The following AGBL1 variants were observed in gnomAD, a reference collection of about 807,000 sequenced individuals.
The protein encoded by AGBL1 is cytosolic carboxypeptidase 4.
In AGBL1, 130 loss-of-function variants were observed where a neutral mutation model predicts 118.9. That is an observed-to-expected ratio of 1.09 (90% CI 0.95 to 1.26). The LOEUF (loss-of-function observed/expected upper bound fraction) is 1.26, where lower values mean the gene tolerates loss of function less well. Ranked by LOEUF, AGBL1 falls within the 50% of genes most tolerant of loss-of-function variation. The pLI is 0.00. For missense variants in AGBL1, 1,584 were observed against 1,298.1 expected, an observed-to-expected ratio of 1.22 and a Z score of -3.38; for synonymous variants, 555 against 478.9, an observed-to-expected ratio of 1.16 and a Z score of -2.08.
intron 21 of AGBL1, among the ~76,000 whole-genome samples, chr15:86,644,686 C>A (rs896737260): frequency 1.4e-5 from 2 of 146,692 alleles, no homozygotes; most frequent in African/African-American, 2.5e-5. Context: ...AGCAAACAAA[C>A]AAAAAGCTGA....
intron 22 of AGBL1, among the ~76,000 whole-genome samples, chr15:86,728,578 A>G (rs529205690): frequency 1.3e-4 from 20 of 152,134 alleles, no homozygotes; most frequent in Non-Finnish European, 2.1e-4. Context: ...GGGCTAAATA[A>G]AAAAACCTTG....
At chr15:86,949,572 CA>C (rs1217450556) in intron 23 of AGBL1, among the ~76,000 whole-genome samples, 2 of 151,590 alleles carry the variant, frequency 1.3e-5, no homozygotes, top group African/African-American at 4.8e-5. Flanking sequence ...GACTCTGAGA[CA>C]AAAAATACTG....
intron 19 of AGBL1, among the ~76,000 whole-genome samples, chr15:86,535,951 A>C (rs2083420421): frequency 6.6e-6 from 1 of 152,152 alleles, no homozygotes. Context: ...CACATCTAGA[A>C]TTTCCCTTTT....
At chr15:86,393,141 C>T (rs1309885929) in intron 17 of AGBL1, among the ~76,000 whole-genome samples, 1 of 152,178 alleles carries the variant, frequency 6.6e-6, no homozygotes, top group Non-Finnish European at 1.5e-5. Flanking sequence ...TCGTTGTCCC[C>T]ATTTGCTTCT....
intron 24 of AGBL1, among the ~76,000 whole-genome samples, chr15:87,017,478 C>A (rs561628169): frequency 6.6e-6 from 1 of 152,120 alleles, no homozygotes; most frequent in African/African-American, 2.4e-5. Context: ...ATTGATAATA[C>A]TTCAAGGTAC....
In AGBL1 at chr15:86,554,557, A is replaced by T; in HGVS notation, c.2994+20A>T. 3 of 1,453,098 alleles carry T rather than the reference A, an allele frequency of 2.1e-6. No individual in the cohort carries two copies. In the South Asian group the frequency reaches 4.5e-5, roughly 22 times the overall value. The allele number at this position is 1,453,098 out of a possible 1,614,324, so 90.0% of individuals were successfully genotyped here. ...TATCAGGTATGTGAGGCTGCAGGAC[A>T]CCCATACTTTCTGTCCAGCAACAAT... On this transcript the variant is annotated intron_variant, in intron 21 of 22. Transcript: ENST00000614907.
At chr15:86,495,285 C>A (rs1449086780) in intron 18 of AGBL1, among the ~76,000 whole-genome samples, 1 of 151,544 alleles carries the variant, frequency 6.6e-6, no homozygotes, top group Non-Finnish European at 1.5e-5. Context: ...ACACCCCATT[C>A]CAAGAAAATT....
intron 7 of AGBL1, among the ~76,000 whole-genome samples, chr15:86,256,164 G>A (rs1192048226): frequency 6.6e-6 from 1 of 152,178 alleles, no homozygotes; most frequent in African/African-American, 2.4e-5. Flanking sequence ...TCTCAATTTA[G>A]TGAACTTGTT....
intron 5 of AGBL1, among the ~76,000 whole-genome samples, chr15:86,224,263 AGATT>A (rs1444052170): frequency 6.6e-6 from 1 of 152,210 alleles, no homozygotes; most frequent in Non-Finnish European, 1.5e-5. Context: ...AGCAGGAAAC[AGATT>A]GAAAAGCCAC....
intron 24 of AGBL1, among the ~76,000 whole-genome samples, chr15:87,012,829 T>C (rs973879065): frequency 6.6e-6 from 1 of 152,104 alleles, no homozygotes; most frequent in Non-Finnish European, 1.5e-5. Flanking sequence ...GGCTGAGATA[T>C]ATCCTTACCT....
chr15:86,234,787 G>T (rs529104290), intron 6 of AGBL1, among the ~76,000 whole-genome samples: 1 of 152,082 alleles, frequency 6.6e-6, no homozygotes, highest in East Asian at 1.9e-4. Context: ...GTACAGTACT[G>T]GATCTTGGTA....
At chr15:86,676,396 G>C (rs947648037) in intron 22 of AGBL1, among the ~76,000 whole-genome samples, 18 of 152,204 alleles carry the variant, frequency 1.2e-4, no homozygotes, top group Admixed American at 8.5e-4. Flanking sequence ...AGCATTTCTT[G>C]ACCCCAAAAA....
At chr15:86,164,562 C>T (rs1222221426) in intron 5 of AGBL1, among the ~76,000 whole-genome samples, 3 of 152,156 alleles carry the variant, frequency 2.0e-5, no homozygotes, top group Non-Finnish European at 4.4e-5. Flanking sequence ...GGACCATTTC[C>T]ACTGGCCACG....
At chr15:86,217,301 G>C (rs2078205709) in intron 5 of AGBL1, among the ~76,000 whole-genome samples, 1 of 152,182 alleles carries the variant, frequency 6.6e-6, no homozygotes, top group South Asian at 2.1e-4. Flanking sequence ...TTGAACGAAA[G>C]AATAATATAA....
chr15:86,277,039 G>T (rs1168231154), intron 15 of AGBL1, among the ~76,000 whole-genome samples: 1 of 152,144 alleles, frequency 6.6e-6, no homozygotes, highest in Non-Finnish European at 1.5e-5. Context: ...GTCCAGTGGG[G>T]ATGCCTGACA....
At chr15:86,419,310 G>A (rs1418011851) in intron 18 of AGBL1, among the ~76,000 whole-genome samples, 5 of 152,138 alleles carry the variant, frequency 3.3e-5, no homozygotes, top group Non-Finnish European at 5.9e-5. Context: ...TGCAGCCCAT[G>A]GAGGGTGAGC....
intron 22 of AGBL1, among the ~76,000 whole-genome samples, chr15:86,718,849 C>T (rs1326042595): frequency 1.3e-5 from 2 of 152,138 alleles, no homozygotes; most frequent in Non-Finnish European, 2.9e-5. Flanking sequence ...AACAAGAGAA[C>T]AATGGTGATT....
intron 18 of AGBL1, among the ~76,000 whole-genome samples, chr15:86,475,304 G>A (rs372570283): frequency 2.6e-5 from 4 of 152,248 alleles, no homozygotes; most frequent in East Asian, 3.9e-4. Flanking sequence ...CGAACCCACT[G>A]CAAAGAAGCT....
chr15:86,829,056 G>A (rs1382555162), intron 22 of AGBL1, among the ~76,000 whole-genome samples: 2 of 151,392 alleles, frequency 1.3e-5, no homozygotes, highest in African/African-American at 4.9e-5. Flanking sequence ...AGTAGGAAAT[G>A]GCAAATATTA....
Sources: allele counts gnomAD v4.1 joint callset (sites outside exome capture counted in the v4.1 genomes callset), GRCh38; gene constraint gnomAD v4.1.1; transcripts MANE v1.5; gene names NCBI Gene and HGNC (gene_info 2026-07-23, HGNC 2026-07-21).